Variants in ARHGEF3 observed in about 807,000 individuals in gnomAD.
ARHGEF3 encodes 59.8 kDA protein.
ARHGEF3 carries 28 observed loss-of-function variants against 63.2 expected under a neutral mutation model. The observed-to-expected ratio is 0.44, with a 90% CI of 0.33 to 0.61. The LOEUF is 0.61. Among genes scored for constraint, ARHGEF3 ranks in the 20% least tolerant of loss-of-function variants. ARHGEF3 has a pLI of 0.03. For missense variants in ARHGEF3, 533 were observed against 659.3 expected (o/e 0.81, Z 2.10); for synonymous variants, 266 against 254.2 (o/e 1.05, Z -0.44).
At chr3:56,811,394 G>A (rs2038058702) in intron 4 of ARHGEF3, among the ~76,000 whole-genome samples, 2 of 152,074 alleles carry the variant, frequency 1.3e-5, no homozygotes, top group South Asian at 4.1e-4. Context: ...GTGGGGGTGG[G>A]GGCATGGGCA....
chr3:56,757,447 C>G (rs1559910627), intron 2 of ARHGEF3, among the ~76,000 whole-genome samples: 1 of 151,694 alleles, frequency 6.6e-6, no homozygotes, highest in Non-Finnish European at 1.5e-5. Flanking sequence ...GCACTCCAGT[C>G]TGGGCGACAA....
chr3:56,773,797 A>G lies in ARHGEF3; in HGVS notation c.116T>C (p.Val39Ala), dbSNP rs780981167. Residue 39 changes from valine (V) to alanine (A), a missense_variant, in exon 2 of 10, where the codon GTC becomes GCC. This residue lies in a region of ARHGEF3 where 160 missense variants were observed against 157.3 expected (regional missense o/e 1.02). Coordinates refer to ENST00000296315, the MANE Select transcript of ARHGEF3 (RefSeq NM_019555.3). ...CGACGTGACTCGGGAAAGGGGTTTG[A>G]CCCGTTTATTACTAGGCTCCTATAG... is the stretch of plus-strand genomic sequence containing the variant. ...KDAEEPSNKR[V>A]KPLSRVTSLA... The G allele has an allele frequency of 1.9e-6, 3 of 1,600,518 alleles. No homozygotes were observed. Among genetic ancestry groups the G allele is most frequent in the Admixed American group, 1.8e-5 (1 of 55,578 alleles).
rs137993535 is a variant in ARHGEF3, at chr3:56,738,881, A to G, written c.871-1526T>C. On this transcript the variant is annotated intron_variant, in intron 7 of 9. Coordinates refer to ENST00000296315, the MANE Select transcript of ARHGEF3 (RefSeq NM_019555.3). ...CAAGGAAGGCATATCACTTGAGGTC[A>G]GGAGTTCCAGACCAGCCTGGCCAAC... is the stretch of plus-strand genomic sequence containing the variant. Among the ~76,000 whole-genome samples, 420 of 152,236 alleles carry G rather than the reference A, an allele frequency of 2.8e-3. 2 individuals are homozygous for G. The highest frequency in any genetic ancestry group is 9.7e-3 in the African/African-American group (401 of 41,538).
intron 4 of ARHGEF3, among the ~76,000 whole-genome samples, chr3:56,828,949 C>A (rs142661191): frequency 6.6e-6 from 1 of 151,868 alleles, no homozygotes; most frequent in Non-Finnish European, 1.5e-5. Context: ...TTTTTTGAGA[C>A]GGAGTCTCAC....
rs1213731584 is a variant in ARHGEF3, at chr3:56,856,779, T to TA, written c.192+25512dup. On this transcript the variant is annotated intron_variant, in intron 4 of 12. Transcript: ENST00000338458. ...ACTTCTGCTGTAATAAAACTGGAAT[T>TA]AAAAAAAAAAAAATCTAGAGGCTTT... is the stretch of plus-strand genomic sequence containing the variant. 5.4e-3 allele frequency among the ~76,000 whole-genome samples: 769 copies of TA among 142,746 alleles called. 6 individuals are homozygous for TA. Among genetic ancestry groups the TA allele is most frequent in the African/African-American group, 0.017 (659 of 39,148 alleles). The allele number at this position is 142,746 out of a possible 152,430, so 93.6% of individuals were successfully genotyped here.
Position 56,965,679 on chromosome 3 carries a change from C to T in ARHGEF3, c.63-6790G>A, listed in dbSNP as rs527615038. Among the ~76,000 whole-genome samples, 23 of 140,794 alleles carry T rather than the reference C, an allele frequency of 1.6e-4. No homozygotes were observed. In the Middle Eastern group the frequency reaches 0.025, roughly 153 times the overall value. The allele number at this position is 140,794 out of a possible 152,430, so 92.4% of individuals were successfully genotyped here. On this transcript the variant is annotated intron_variant, in intron 2 of 12. Transcript: ENST00000338458. ...TTTTTTTTTTTTTGAAACGGAGTCT[C>T]GCTCTGTCGCCCAGGCTGGAGTGCA...
intron 2 of ARHGEF3, among the ~76,000 whole-genome samples, chr3:56,995,193 C>G (rs985924547): frequency 6.6e-6 from 1 of 152,032 alleles, no homozygotes; most frequent in Non-Finnish European, 1.5e-5. Flanking sequence ...ATTTTCAACT[C>G]TTTGTAAAGC....
chr3:56,923,052 ATATATATATATATATATAT>A (rs1560053773), intron 3 of ARHGEF3, among the ~76,000 whole-genome samples: 4,061 of 24,188 alleles, frequency 0.17, 310 homozygotes, highest in African/African-American at 0.25. Flanking sequence ...ATATATATAT[ATATATATATATATATATAT>A]ATATAAATTA....
intron 3 of ARHGEF3, among the ~76,000 whole-genome samples, chr3:56,893,095 C>A (rs1376185565): frequency 6.6e-6 from 1 of 152,226 alleles, no homozygotes; most frequent in Non-Finnish European, 1.5e-5. Context: ...TAAAAACTCA[C>A]AACTTCAGTT....
chr3:56,833,605 G>T (rs1480708473), intron 4 of ARHGEF3, among the ~76,000 whole-genome samples: 2 of 152,056 alleles, frequency 1.3e-5, no homozygotes. Context: ...CTTATTTATG[G>T]ATATTTACAG....
intron 2 of ARHGEF3, among the ~76,000 whole-genome samples, chr3:56,992,024 CTGTGTG>C (rs58860849): frequency 0.017 from 2,239 of 131,638 alleles, 44 homozygotes; most frequent in African/African-American, 0.04. Flanking sequence ...CCTCCTCTCT[CTGTGTG>C]TGTGTGTGTG....
intron 2 of ARHGEF3, among the ~76,000 whole-genome samples, chr3:56,985,658 A>G (rs1356652586): frequency 2.0e-5 from 3 of 152,212 alleles, no homozygotes; most frequent in Non-Finnish European, 4.4e-5. Context: ...GAGGGGCAGC[A>G]GTGCACGGGT....
chr3:56,858,287 G>A (rs962073269), intron 4 of ARHGEF3, among the ~76,000 whole-genome samples: 1 of 147,080 alleles, frequency 6.8e-6, no homozygotes, highest in African/African-American at 2.5e-5. Flanking sequence ...TTCCTTCACT[G>A]TAATGGTTGC....
At chr3:56,731,930 C>G (rs369285356) in intron 9 of ARHGEF3, 3 of 556,076 alleles carry the variant, frequency 5.4e-6, no homozygotes, top group African/African-American at 3.8e-5. Context: ...ATGTTTTTAT[C>G]CAATGGAAAA....
chr3:56,864,888 G>A (rs957229456), intron 4 of ARHGEF3, among the ~76,000 whole-genome samples: 26 of 152,194 alleles, frequency 1.7e-4, no homozygotes, highest in African/African-American at 5.8e-4. Flanking sequence ...CTCAGCAAAT[G>A]TCACCCTTTT....
chr3:57,004,038 G>C (rs1478804690), intron 2 of ARHGEF3, among the ~76,000 whole-genome samples: 1 of 152,224 alleles, frequency 6.6e-6, no homozygotes, highest in Admixed American at 6.5e-5. Context: ...CCTGACCCCA[G>C]TCCTTGCCCT....
chr3:56,829,581 C>T (rs115971965), intron 4 of ARHGEF3, among the ~76,000 whole-genome samples: 4,042 of 152,246 alleles, frequency 0.027, 69 homozygotes, highest in African/African-American at 0.043. Context: ...TAATGCCTCC[C>T]GAAGAACATC....
intron 2 of ARHGEF3, among the ~76,000 whole-genome samples, chr3:57,024,132 C>T (rs1254765007): frequency 3.9e-5 from 6 of 152,094 alleles, no homozygotes; most frequent in African/African-American, 9.7e-5. Context: ...ATACACACAG[C>T]ACTCGGGAAC....
At chr3:56,912,867 G>A (rs769665016) in intron 3 of ARHGEF3, among the ~76,000 whole-genome samples, 1 of 152,222 alleles carries the variant, frequency 6.6e-6, no homozygotes, top group African/African-American at 2.4e-5. Flanking sequence ...GGGGCATGCA[G>A]TGGCCTGCGT....
Sources: allele counts gnomAD v4.1 joint callset (sites outside exome capture counted in the v4.1 genomes callset), GRCh38; gene constraint gnomAD v4.1.1; regional missense constraint gnomAD v4.1.1; transcripts MANE v1.5; gene names NCBI Gene and HGNC (gene_info 2026-07-23, HGNC 2026-07-21).